Variants in SPATA25 observed in about 807,000 individuals in gnomAD.
SPATA25 encodes the protein spermatogenesis-associated protein 25.
In SPATA25, 16 loss-of-function variants were observed where a neutral mutation model predicts 16.0. The observed-to-expected ratio is 1.00, with a 90% CI of 0.68 to 1.52. The LOEUF (loss-of-function observed/expected upper bound fraction) is 1.52, where lower values mean the gene tolerates loss of function less well. SPATA25 is among the 40% of genes most tolerant of loss of function. SPATA25 has a pLI of 0.00. For missense variants in SPATA25, 285 were observed against 289.2 expected, an observed-to-expected ratio of 0.99 and a Z score of 0.11; for synonymous variants, 115 against 118.5, an observed-to-expected ratio of 0.97 and a Z score of 0.19.
upstream of SPATA25, chr20:45,890,670 C>T: frequency 6.2e-7 from 1 of 1,613,690 alleles, no homozygotes; most frequent in Non-Finnish European, 8.5e-7. Context: ...CAGGTGTGGC[C>T]CAGGTTGACC....
upstream of SPATA25, chr20:45,890,958 C>G (rs1162451237): frequency 2.0e-6 from 3 of 1,504,604 alleles, no homozygotes; most frequent in Non-Finnish European, 2.7e-6. Flanking sequence ...CCCCAGAGTG[C>G]ACCCGAATCC....
chr20:45,890,882 T>A, upstream of SPATA25: 1 of 1,567,630 alleles, frequency 6.4e-7, no homozygotes, highest in Non-Finnish European at 8.7e-7. Flanking sequence ...CCCAGAGGGG[T>A]CCACGCGGAT....
At chr20:45,890,586 T>G, upstream of SPATA25, 1 of 1,610,882 alleles carries the variant, frequency 6.2e-7, no homozygotes, top group Non-Finnish European at 8.5e-7. Context: ...GGAGGTCGGC[T>G]GGGGGCCGCT....
At chr20:45,890,545 A>G (rs748488415), upstream of SPATA25, 2 of 1,610,548 alleles carry the variant, frequency 1.2e-6, no homozygotes, top group East Asian at 4.5e-5. Flanking sequence ...GAAACTGCTC[A>G]ATGCGCAGAT....
In SPATA25 at chr20:45,887,128, C is replaced by G. The variant is rs1362153882; in HGVS notation, c.73G>C (p.Gly25Arg). 6.3e-7 allele frequency: 1 copy of G among 1,586,892 alleles called. No homozygotes were observed. The highest frequency in any genetic ancestry group is 1.3e-5 in the African/African-American group (1 of 74,484). ...PSGQGGAASP[G>R]LSLGLCSPVE... is the part of the protein sequence containing the mutation. ...GGACTACAGAGGCCAAGGGACAAGC[C>G]TGGAGAAGCAGCCCCACCTGCAGAG... Residue 25 changes from glycine to arginine, a missense_variant, in exon 2 of 2, where the codon GGC becomes CGC. Gly to Arg is a moderately radical substitution (Grantham distance 125). Coordinates refer to ENST00000372519, the MANE Select transcript of SPATA25 (RefSeq NM_080608.4).
Position 45,886,492 on chromosome 20 carries a change from A to G in SPATA25, c.*25T>C. The G allele has an allele frequency of 6.5e-6, 10 of 1,541,138 alleles. No homozygotes were observed. The highest frequency in any genetic ancestry group is 1.4e-5 in the African/African-American group (1 of 72,996). ...AAGAACCATACGGAGAAACCACCCTACATATCTGGTGCTATTTCATCCATC... is the reference window on the plus strand; with the variant it reads ...AAGAACCATACGGAGAAACCACCCTGCATATCTGGTGCTATTTCATCCATC... On this transcript the variant is annotated 3_prime_UTR_variant, in exon 2 of 2. Transcript: ENST00000372519.
chr20:45,890,895 T>C, upstream of SPATA25: 1 of 1,563,076 alleles, frequency 6.4e-7, no homozygotes, highest in South Asian at 1.2e-5. Context: ...ACGCGGATGT[T>C]GGCACCGTGC....
At chr20:45,890,454 C>T (rs1427168697), upstream of SPATA25, 1 of 1,606,382 alleles carries the variant, frequency 6.2e-7, no homozygotes, top group Non-Finnish European at 8.5e-7. Flanking sequence ...GGAGGCAGCA[C>T]GTTCAGCTCA....
upstream of SPATA25, among the ~76,000 whole-genome samples, chr20:45,888,269 C>T (rs1453440553): frequency 6.6e-6 from 1 of 152,138 alleles, no homozygotes; most frequent in African/African-American, 2.4e-5. Flanking sequence ...CTGCCCACCT[C>T]GGCCTCCCAA....
At position 45,886,953 on chromosome 20, in the gene SPATA25, C is replaced by T. The variant is rs377171120; in HGVS notation, c.248G>A (p.Arg83Gln). Residue 83 changes from arginine (R) to glutamine (Q), a missense_variant, in exon 2 of 2, where the codon CGG (arginine) becomes CAG (glutamine). Physicochemically the swap from Arg to Gln is conservative, Grantham distance 43. Transcript: ENST00000372519. Reference sequence around the variant, plus strand: ...GTGGCAGTTTCGGCTGTATTCCTTCCGTAGTGTCTCCCAGCTAGTCCCCCC... The same window carrying T: ...GTGGCAGTTTCGGCTGTATTCCTTCTGTAGTGTCTCCCAGCTAGTCCCCCC... ...CPGGTSWETL[R>Q]KEYSRNCHKF... 67 of 1,613,952 alleles carry T rather than the reference C, an allele frequency of 4.2e-5. 1 individual carries two copies. Among genetic ancestry groups the T allele is most frequent in the Admixed American group, 1.8e-4 (11 of 60,006 alleles).
chr20:45,887,411 TA>T, intron 1 of SPATA25, 124 bp downstream of exon 1: 1 of 963,498 alleles, frequency 1.0e-6, no homozygotes, highest in Non-Finnish European at 1.5e-6. Context: ...GCTTTTCTTC[TA>T]AAAGAATTGA....
upstream of SPATA25, chr20:45,888,892 G>A (rs1440072699): frequency 4.3e-6 from 7 of 1,613,920 alleles, no homozygotes; most frequent in Non-Finnish European, 5.9e-6. Context: ...AGAAGACTGT[G>A]AAAGGCAAAC....
rs1238071523 is a variant in SPATA25 at position 45,886,858 on chromosome 20, CAG to C, written c.341_342del (p.Pro114ArgfsTer9). On this transcript the variant is annotated frameshift_variant, in exon 2 of 2. Coordinates refer to ENST00000372519, the MANE Select transcript of SPATA25 (RefSeq NM_080608.4). LOFTEE classifies it high-confidence loss of function. ...WDNGYSRSRA[P>X]DLGGPSRPRP... ...CTAGGCCTGCTGGGGCCACCCAGGT[CAG>C]GGGCTCTGCTTCTGGAGTAGCCATT... 2.5e-6 allele frequency: 4 copies of C among 1,613,874 alleles called. No homozygotes were observed. The highest frequency in any genetic ancestry group is 1.3e-5 in the African/African-American group (1 of 74,950).
At chr20:45,890,610 G>A (rs751615450), upstream of SPATA25, 3 of 1,612,798 alleles carry the variant, frequency 1.9e-6, no homozygotes, top group South Asian at 3.3e-5. Context: ...TCCGCCTCCG[G>A]GCGGCCCTCC....
At chr20:45,890,227 G>T (rs370819402), upstream of SPATA25, 14 of 1,613,726 alleles carry the variant, frequency 8.7e-6, no homozygotes, top group Non-Finnish European at 1.1e-5. Flanking sequence ...AGCCAGGAGG[G>T]GTCGCTGCCC....
At chr20:45,888,691 C>G (rs1601131834), upstream of SPATA25, 1 of 1,549,560 alleles carries the variant, frequency 6.5e-7, no homozygotes. Flanking sequence ...ATGTGGCCAA[C>G]TTCGGACCAG....
Position 45,886,718 on chromosome 20 carries a change from G to A in SPATA25, c.483C>T (p.Ile161=), listed in dbSNP as rs758155853. Residue 161 remains isoleucine, a synonymous_variant, in exon 2 of 2, where the codon ATC becomes ATT. Coordinates refer to ENST00000372519, the MANE Select transcript of SPATA25 (RefSeq NM_080608.4). ...DICILTLAMM[I]AGIPTVPVPG... Reference sequence around the variant, plus strand: ...GGACGGGCACGGTGGGGATGCCAGCGATCATCATGGCGAGGGTGAGGATGC... The same window carrying A: ...GGACGGGCACGGTGGGGATGCCAGCAATCATCATGGCGAGGGTGAGGATGC... The A allele has an allele frequency of 6.2e-6, 10 of 1,613,988 alleles. No individual in the cohort carries two copies. The highest frequency in any genetic ancestry group is 6.8e-6 in the Non-Finnish European group (8 of 1,180,028).
chr20:45,888,588 C>T (rs1455508163), upstream of SPATA25: 24 of 634,840 alleles, frequency 3.8e-5, no homozygotes, highest in East Asian at 2.5e-4. Flanking sequence ...TGATTCTAAA[C>T]GAAGTGACTC....
In SPATA25 at chr20:45,886,839, C is replaced by T. The variant is rs1223268436; in HGVS notation, c.362G>A (p.Arg121Lys). The T allele has an allele frequency of 6.2e-7, 1 of 1,613,980 alleles. No individual in the cohort carries two copies. Among genetic ancestry groups the T allele is most frequent in the East Asian group, 2.2e-5 (1 of 44,884 alleles). Residue 121 changes from arginine to lysine, a missense_variant, in exon 2 of 2, where the codon AGG becomes AAG. Coordinates refer to ENST00000372519, the MANE Select transcript of SPATA25 (RefSeq NM_080608.4). Reference sequence around the variant, plus strand: ...CCCACACAGCATCAGGGGCCTAGGCCTGCTGGGGCCACCCAGGTCAGGGGC... The same window carrying T: ...CCCACACAGCATCAGGGGCCTAGGCTTGCTGGGGCCACCCAGGTCAGGGGC... The part of the protein sequence containing the change: ...SRAPDLGGPS[R>K]PRPLMLCGLS...
Sources: gnomAD v4.1 joint callset for allele counts (sites outside exome capture counted in the v4.1 genomes callset) on GRCh38, gnomAD v4.1.1 for gene constraint, MANE v1.5 for transcripts, NCBI Gene and HGNC (gene_info 2026-07-23, HGNC 2026-07-21) for gene names.